Variants in PCDH1 observed in about 807,000 individuals in gnomAD.
PCDH1 encodes protocadherin-1.
Under a neutral mutation model 74.6 loss-of-function variants are expected in PCDH1, and 23 were observed. The ratio of observed to expected loss-of-function variants is 0.31; its 90% CI spans 0.22 to 0.44. The LOEUF is 0.44. PCDH1 is among the 20% of genes least tolerant of loss of function. PCDH1 has a pLI of 1.00. For synonymous variants in PCDH1, 647 were observed against 686.1 expected (o/e 0.94, Z 0.89); for missense variants, 1,214 against 1,641.4 (o/e 0.74, Z 4.50).
rs767581083 is a variant in PCDH1, at chr5:141,863,501, C to T, written c.2830G>A (p.Asp944Asn). The change falls in exon 3 of 5, where the codon GAT becomes AAT. Residue 944 changes from aspartate (D) to asparagine (N), a missense_variant. Physicochemically the swap from Asp to Asn is conservative, Grantham distance 23. Transcript: ENST00000287008. This position sits in a 1 kb window ranked among gnomAD's most constrained non-coding sequence, Gnocchi z 7.5. ...QKSLKFNLMS[D>N]APGDSPRIHL... is the part of the protein sequence containing the mutation. The stretch of plus-strand genomic sequence containing the variant: ...ATGCGGGGACTGTCCCCAGGGGCAT[C>T]GCTCATCAGGTTGAACTTGAGGGAC... 1.2e-5 allele frequency: 20 copies of T among 1,611,906 alleles called. No individual in the cohort carries two copies. In the East Asian group the frequency reaches 2.2e-4, roughly 18 times the overall value.
Position 141,857,405 on chromosome 5 carries a change from G to A in PCDH1, c.3166C>T (p.His1056Tyr). ...QAQELQDPSQ[H>Y]SYYDSGLEES... Reference sequence around the variant, plus strand: ...TCCAGGCCACTGTCATAGTAACTGTGCTGGGATGGGTCCTGCAGCTCCTGG... The same window carrying A: ...TCCAGGCCACTGTCATAGTAACTGTACTGGGATGGGTCCTGCAGCTCCTGG... The change falls in exon 4 of 5, where the codon CAC (histidine) becomes TAC (tyrosine). Residue 1056 changes from histidine to tyrosine, a missense_variant. His to Tyr is a moderately conservative substitution (Grantham distance 83, BLOSUM62 2). Coordinates refer to ENST00000287008, the MANE Select transcript of PCDH1 (RefSeq NM_032420.5). 1 of 1,614,110 alleles carries A rather than the reference G, an allele frequency of 6.2e-7. No individual in the cohort carries two copies. The highest frequency in any genetic ancestry group is 8.5e-7 in the Non-Finnish European group (1 of 1,180,006).
chr5:141,860,406 G>T (rs1420110443), intron 3 of PCDH1, among the ~76,000 whole-genome samples: 1 of 151,680 alleles, frequency 6.6e-6, no homozygotes, highest in Non-Finnish European at 1.5e-5. Flanking sequence ...CAGCTACACA[G>T]GAGGATCGCT....
intron 1 of PCDH1, among the ~76,000 whole-genome samples, chr5:141,875,527 C>T (rs1051367436): frequency 1.3e-5 from 2 of 152,010 alleles, no homozygotes; most frequent in Non-Finnish European, 2.9e-5. Context: ...CTCGCGGCCC[C>T]CTCCTGGCCC....
At chr5:141,860,807 A>C (rs534335357) in intron 3 of PCDH1, among the ~76,000 whole-genome samples, 1 of 152,298 alleles carries the variant, frequency 6.6e-6, no homozygotes, top group Admixed American at 6.5e-5. Flanking sequence ...CCTCACACCT[A>C]GTAAGGACTC....
chr5:141,860,435 G>A (rs1270714387), intron 3 of PCDH1, among the ~76,000 whole-genome samples: 2 of 150,866 alleles, frequency 1.3e-5, no homozygotes, highest in African/African-American at 2.4e-5. Flanking sequence ...GGTGGCAGAG[G>A]TTGCAATGAG....
intron 3 of PCDH1, among the ~76,000 whole-genome samples, chr5:141,862,252 TC>T (rs1297307640): frequency 6.6e-6 from 1 of 152,158 alleles, no homozygotes; most frequent in Non-Finnish European, 1.5e-5. Flanking sequence ...TGAATGCTAC[TC>T]CCTACCAGGT....
chr5:141,876,569 C>G (rs72794091), intron 1 of PCDH1, among the ~76,000 whole-genome samples: 10,164 of 152,314 alleles, frequency 0.067, 406 homozygotes, highest in African/African-American at 0.095. Context: ...GAAATAGTAG[C>G]CGACCACTGT....
At position 141,864,438 on chromosome 5, in the gene PCDH1, C is replaced by T; in HGVS notation, c.1893G>A (p.Val631=). Residue 631 remains valine (V), a synonymous_variant, in exon 3 of 5, where the codon GTG becomes GTA. Coordinates refer to ENST00000287008, the MANE Select transcript of PCDH1 (RefSeq NM_032420.5). This position sits in a 1 kb window ranked among gnomAD's most constrained non-coding sequence, Gnocchi z 5.9. The stretch of plus-strand genomic sequence containing the variant: ...CTCCATCAATGACAGTCACCATGCC[C>T]ACTGGACTCAGTGCTGGCATGTTCT... ...VMENMPALSP[V]GMVTVIDGDK... is the part of the protein sequence containing the mutation. The T allele has an allele frequency of 1.9e-6, 3 of 1,614,144 alleles. No individual in the cohort carries two copies. The highest frequency in any genetic ancestry group is 1.1e-5 in the South Asian group (1 of 91,080).
At chr5:141,861,262 A>G (rs1200140402) in intron 3 of PCDH1, among the ~76,000 whole-genome samples, 1 of 152,134 alleles carries the variant, frequency 6.6e-6, no homozygotes, top group Non-Finnish European at 1.5e-5. Context: ...GTCTTGTACA[A>G]GTATGGCCAT....
rs755512304 is a variant in PCDH1 at position 141,865,244 on chromosome 5, C to T, written c.1087G>A (p.Gly363Ser). ...LRFSVLAKDR[G>S]TNPKSARAQV... The stretch of plus-strand genomic sequence containing the variant: ...GCACGGGCACTCTTGGGGTTGGTGC[C>T]TCGGTCCTTAGCAAGCACTGAGAAG... The change falls in exon 3 of 5, where the codon GGC becomes AGC. Residue 363 changes from glycine to serine, a missense_variant. By Grantham distance (56) the Gly-to-Ser change is moderately conservative. Coordinates refer to ENST00000287008, the MANE Select transcript of PCDH1 (RefSeq NM_032420.5). This position sits in a 1 kb window ranked among gnomAD's most constrained non-coding sequence, Gnocchi z 4.4. The T allele has an allele frequency of 1.2e-6, 2 of 1,614,214 alleles. No homozygotes were observed. Among genetic ancestry groups the T allele is most frequent in the Admixed American group, 1.7e-5 (1 of 60,030 alleles).
rs1044715955 is a variant in PCDH1, at chr5:141,868,281, C to T, written c.903+288G>A. Reference sequence around the variant, plus strand: ...CAGAGAAGGATCTACTTGACTAGGGCGGGAGTTTTACTTCTCAGAGGTTCC... The same window carrying T: ...CAGAGAAGGATCTACTTGACTAGGGTGGGAGTTTTACTTCTCAGAGGTTCC... On this transcript the variant is annotated intron_variant, in intron 2 of 4. Transcript: ENST00000287008. The surrounding 1 kb of genome is among the most constrained non-coding windows in gnomAD (Gnocchi z 4.8). Among the ~76,000 whole-genome samples, 7 of 152,204 alleles carry T rather than the reference C, an allele frequency of 4.6e-5. No homozygotes were observed. Among genetic ancestry groups the T allele is most frequent in the South Asian group, 2.1e-4 (1 of 4,836 alleles).
rs1178160629 is a variant in PCDH1, at chr5:141,869,802, G to A, written c.41-371C>T. On this transcript the variant is annotated intron_variant, in intron 1 of 4. Coordinates refer to ENST00000287008, the MANE Select transcript of PCDH1 (RefSeq NM_032420.5). This position sits in a 1 kb window ranked among gnomAD's most constrained non-coding sequence, Gnocchi z 4.9. ...GCTTCACCCAACACCTCCTTCTCACGAGCATCCTGCCTTAGTCACCGATGG... is the reference window on the plus strand; with the variant it reads ...GCTTCACCCAACACCTCCTTCTCACAAGCATCCTGCCTTAGTCACCGATGG... 1.5e-5 allele frequency: 15 copies of A among 985,132 alleles called. No individual in the cohort carries two copies. The South Asian group carries it at 4.2e-4, about 28-fold the overall frequency. The allele number at this position is 985,132 out of a possible 1,614,324, so 61.0% of individuals were successfully genotyped here. A position where few individuals can be genotyped will look rare whatever the true frequency, so the allele number is the denominator to read the frequency against.
rs1753017185 is a variant in PCDH1, at chr5:141,869,315, A to C, written c.157T>G (p.Ser53Ala). ...ACTACCCGAGTGGCGTGGCCTGGGG[A>C]TGGAGCCAGCAGGAGCAGCAGTGCT... ...LLALLLLLAP[S>A]PGHATRVVYK... The change falls in exon 2 of 5, where the codon TCC becomes GCC. Residue 53 changes from serine to alanine, a missense_variant. Ser to Ala is a moderately conservative substitution (Grantham distance 99, BLOSUM62 1). Around this residue, in one of 4 missense-constraint regions of PCDH1, gnomAD observed 87 missense variants for 87.7 expected, o/e 0.99. Coordinates refer to ENST00000287008, the MANE Select transcript of PCDH1 (RefSeq NM_032420.5). This position sits in a 1 kb window ranked among gnomAD's most constrained non-coding sequence, Gnocchi z 4.9. 1 of 1,600,674 alleles carries C rather than the reference A, an allele frequency of 6.2e-7. No homozygotes were observed.
chr5:141,866,609 C>A (rs1752851084), intron 2 of PCDH1, among the ~76,000 whole-genome samples: 1 of 152,090 alleles, frequency 6.6e-6, no homozygotes. Context: ...GGGTTCAAAT[C>A]CCAGTTATAC....
chr5:141,873,758 C>T (rs558176593), intron 1 of PCDH1, among the ~76,000 whole-genome samples: 1 of 152,076 alleles, frequency 6.6e-6, no homozygotes, highest in Non-Finnish European at 1.5e-5. Flanking sequence ...GCGCCCAGCC[C>T]CTGCAAACTT....
rs372637355 is a variant in PCDH1 at position 141,862,911 on chromosome 5, G to A, written c.3099+321C>T. On this transcript the variant is annotated intron_variant, in intron 3 of 4. Coordinates refer to ENST00000287008, the MANE Select transcript of PCDH1 (RefSeq NM_032420.5). ...CTTACCCATTTCCCTCCCCACTTAC[G>A]CTCACCTGCCTACCACCCCCAACCC... is the stretch of plus-strand genomic sequence containing the variant. 5.7e-4 allele frequency: 698 copies of A among 1,218,928 alleles called. No homozygotes were observed. The South Asian group carries it at 6.8e-3, about 12-fold the overall frequency. 75.5% of individuals were successfully genotyped at this position (1,218,928 alleles called of 1,614,324 possible). A position where few individuals can be genotyped will look rare whatever the true frequency, so the allele number is the denominator to read the frequency against.
intron 2 of PCDH1, among the ~76,000 whole-genome samples, chr5:141,866,393 C>T (rs570142606): frequency 1.4e-4 from 21 of 152,336 alleles, no homozygotes; most frequent in Middle Eastern, 3.4e-3. Flanking sequence ...CCAACTCCAA[C>T]GCGCACTCGA....
At chr5:141,873,339 C>T (rs1330946105) in intron 1 of PCDH1, among the ~76,000 whole-genome samples, 3 of 147,360 alleles carry the variant, frequency 2.0e-5, no homozygotes, top group East Asian at 2.0e-4. Context: ...GGGGTTTCAC[C>T]GTGTTGGCCA....
chr5:141,856,149 T>C (rs914021290), intron 4 of PCDH1: 2 of 1,377,428 alleles, frequency 1.5e-6, no homozygotes, highest in Non-Finnish European at 2.0e-6. Flanking sequence ...GAGCAGAGCA[T>C]GGGCACTGGG....
Sources: allele counts gnomAD v4.1 joint callset (sites outside exome capture counted in the v4.1 genomes callset), GRCh38; gene constraint gnomAD v4.1.1; regional missense constraint gnomAD v4.1.1; non-coding constraint Gnocchi (gnomAD v3.1); transcripts MANE v1.5; gene names NCBI Gene and HGNC (gene_info 2026-07-23, HGNC 2026-07-21).